The following CHD6 variants were observed in gnomAD, a reference collection of about 807,000 sequenced individuals.
The protein encoded by CHD6 is ATP-dependent chromatin remodeler CHD6.
Under a neutral mutation model 276.9 loss-of-function variants are expected in CHD6, and 50 were observed. That is an observed-to-expected ratio of 0.18 (90% CI 0.14 to 0.23). The LOEUF is 0.23. Ranked by LOEUF, CHD6 falls within the 10% of genes least tolerant of loss-of-function variation. The pLI is 1.00. For missense variants in CHD6, 2,564 were observed against 3,365.8 expected (o/e 0.76, Z 5.89); for synonymous variants, 1,173 against 1,229.3 (o/e 0.95, Z 0.96).
At position 41,473,550 on chromosome 20, in the gene CHD6, G is replaced by T. The variant is rs755150502; in HGVS notation, c.2469-33C>A. On this transcript the variant is annotated intron_variant, in intron 16 of 36. Transcript: ENST00000373233. This position sits in a 1 kb window ranked among gnomAD's most constrained non-coding sequence, Gnocchi z 4.1. ...GACCCAAATGAACGAAAGCCCAGGC[G>T]TTAATCATGACTTCAATGGAGAACA... The T allele has an allele frequency of 1.9e-6, 3 of 1,581,050 alleles. No individual in the cohort carries two copies. Among genetic ancestry groups the T allele is most frequent in the Non-Finnish European group, 2.6e-6 (3 of 1,151,394 alleles).
intron 25 of CHD6, among the ~76,000 whole-genome samples, chr20:41,441,956 C>A (rs1486037369): frequency 6.6e-6 from 1 of 152,216 alleles, no homozygotes; most frequent in Non-Finnish European, 1.5e-5. Context: ...GGAGGGGCAG[C>A]AGTCACTCAA....
At chr20:41,465,155 A>G (rs983637735) in intron 17 of CHD6, among the ~76,000 whole-genome samples, 1 of 152,236 alleles carries the variant, frequency 6.6e-6, no homozygotes, top group Non-Finnish European at 1.5e-5. Flanking sequence ...GCTAAAATTA[A>G]TGGACAGAAG....
At chr20:41,533,792 C>A (rs1325601075) in intron 2 of CHD6, among the ~76,000 whole-genome samples, 2 of 152,148 alleles carry the variant, frequency 1.3e-5, no homozygotes, top group African/African-American at 4.8e-5. Flanking sequence ...CATACTAAAT[C>A]AGGATCATTC....
At chr20:41,603,995 C>T (rs1271750794) in intron 1 of CHD6, among the ~76,000 whole-genome samples, 23 of 125,142 alleles carry the variant, frequency 1.8e-4, no homozygotes, top group Non-Finnish European at 3.1e-5. Flanking sequence ...TGCATGTGTG[C>T]GCATGCGTGT....
intron 5 of CHD6, among the ~76,000 whole-genome samples, chr20:41,509,555 T>C (rs1431434657): frequency 6.6e-6 from 1 of 152,090 alleles, no homozygotes; most frequent in East Asian, 1.9e-4. Flanking sequence ...GAAAAAGGCC[T>C]ATCAAAGAAG....
intron 2 of CHD6, among the ~76,000 whole-genome samples, chr20:41,539,745 A>T (rs6072411): frequency 6.6e-6 from 1 of 152,084 alleles, no homozygotes; most frequent in South Asian, 2.1e-4. Flanking sequence ...AGGATTATAT[A>T]TAAGAATATC....
At chr20:41,440,943 T>C (rs2047883118) in intron 25 of CHD6, among the ~76,000 whole-genome samples, 1 of 152,170 alleles carries the variant, frequency 6.6e-6, no homozygotes, top group Admixed American at 6.5e-5. Context: ...TTCATTTCTA[T>C]TTTGGTTTTT....
At chr20:41,560,812 A>G (rs2045293279) in intron 1 of CHD6, among the ~76,000 whole-genome samples, 1 of 151,634 alleles carries the variant, frequency 6.6e-6, no homozygotes, top group African/African-American at 2.4e-5. Flanking sequence ...TTAAGAATTC[A>G]ATAGAAATAT....
intron 3 of CHD6, among the ~76,000 whole-genome samples, chr20:41,520,692 G>C: frequency 8.0e-6 from 1 of 124,868 alleles, no homozygotes; most frequent in Non-Finnish European, 1.7e-5. Flanking sequence ...AGGGGGGAGG[G>C]ATAGCATTAG....
chr20:41,528,294 C>T (rs1423124436), intron 3 of CHD6, among the ~76,000 whole-genome samples: 1 of 152,112 alleles, frequency 6.6e-6, no homozygotes, highest in African/African-American at 2.4e-5. Context: ...CTGATCCCCT[C>T]CTCCAGCTAT....
At chr20:41,416,390 C>T (rs1600804183) in intron 33 of CHD6, among the ~76,000 whole-genome samples, 198 bp downstream of exon 33, 1 of 152,300 alleles carries the variant, frequency 6.6e-6, no homozygotes, top group East Asian at 1.9e-4. Flanking sequence ...TTCATCATGC[C>T]TTCTCCTGCT....
intron 25 of CHD6, among the ~76,000 whole-genome samples, chr20:41,443,274 C>G (rs1458845498): frequency 1.3e-5 from 2 of 152,188 alleles, no homozygotes; most frequent in Non-Finnish European, 2.9e-5. Context: ...GACTCTATCT[C>G]CAATATGAGA....
intron 12 of CHD6, 67 bp downstream of exon 12, chr20:41,489,711 A>G (rs1568636951): frequency 5.6e-6 from 9 of 1,599,196 alleles, no homozygotes; most frequent in South Asian, 4.4e-5. Flanking sequence ...ACTTCTGAAG[A>G]TAAGTGACAG....
intron 18 of CHD6, among the ~76,000 whole-genome samples, chr20:41,457,009 C>T (rs2048395408): frequency 6.6e-6 from 1 of 152,158 alleles, no homozygotes. Context: ...CAGTTAAAAA[C>T]TCTGTTTACT....
At chr20:41,511,884 A>G (rs994871544) in intron 5 of CHD6, among the ~76,000 whole-genome samples, 4 of 152,190 alleles carry the variant, frequency 2.6e-5, no homozygotes, top group Non-Finnish European at 5.9e-5. Flanking sequence ...CTTGCAATAC[A>G]TGCTTGTTGA....
chr20:41,600,400 G>C (rs1371774560), intron 1 of CHD6, among the ~76,000 whole-genome samples: 1 of 152,198 alleles, frequency 6.6e-6, no homozygotes, highest in Non-Finnish European at 1.5e-5. Context: ...CTTTGTGACA[G>C]AAGCCAGAAC....
chr20:41,455,873 A>G lies in CHD6; in HGVS notation c.2936T>C (p.Ile979Thr), dbSNP rs138679758. 2.5e-6 allele frequency: 4 copies of G among 1,612,842 alleles called. No homozygotes were observed. Among genetic ancestry groups the G allele is most frequent in the African/African-American group, 1.3e-5 (1 of 74,840 alleles). ...DEGSKFCEED[I>T]DQILQRRTHT... The stretch of plus-strand genomic sequence containing the variant: ...CGTTCGCCTCTGCAGAATCTGGTCT[A>G]TGTCTTCTTCACAGAACTTGGAGCC... The change falls in exon 19 of 37, where the codon ATA becomes ACA. Residue 979 changes from isoleucine to threonine, a missense_variant. Physicochemically the swap from Ile to Thr is moderately conservative, Grantham distance 89 (BLOSUM62 -1). Coordinates refer to ENST00000373233, the MANE Select transcript of CHD6 (RefSeq NM_032221.5).
At chr20:41,532,592 G>A (rs780460241) in intron 3 of CHD6, among the ~76,000 whole-genome samples, 5 of 152,204 alleles carry the variant, frequency 3.3e-5, no homozygotes, top group Non-Finnish European at 7.3e-5. Flanking sequence ...AAACTGCATG[G>A]TCAGTATTAA....
At chr20:41,522,942 C>T (rs530160758) in intron 3 of CHD6, among the ~76,000 whole-genome samples, 4 of 152,128 alleles carry the variant, frequency 2.6e-5, no homozygotes, top group South Asian at 2.1e-4. Context: ...GGAGTCCTTC[C>T]TTTAAAATAT....
Sources: allele counts gnomAD v4.1 joint callset (sites outside exome capture counted in the v4.1 genomes callset), GRCh38; gene constraint gnomAD v4.1.1; non-coding constraint Gnocchi (gnomAD v3.1); transcripts MANE v1.5; gene names NCBI Gene and HGNC (gene_info 2026-07-23, HGNC 2026-07-21).